SIM2: variants seen among roughly 807,000 people sequenced by gnomAD.
SIM2 encodes single-minded homolog 2.
SIM2 carries 28 observed loss-of-function variants against 64.8 expected under a neutral mutation model. The ratio of observed to expected loss-of-function variants is 0.43; its 90% CI spans 0.32 to 0.59. The LOEUF (loss-of-function observed/expected upper bound fraction) is 0.59. Among genes scored for constraint, SIM2 ranks in the 20% least tolerant of loss-of-function variants. The pLI is 0.07. For synonymous variants in SIM2, 408 were observed against 391.1 expected (o/e 1.04, Z -0.51); for missense variants, 847 against 871.4 (o/e 0.97, Z 0.35).
At chr21:36,736,996 A>C (rs1374878312) in intron 7 of SIM2, among the ~76,000 whole-genome samples, 2 of 151,578 alleles carry the variant, frequency 1.3e-5, no homozygotes, top group Non-Finnish European at 2.9e-5. Flanking sequence ...GCGTGGTCGG[A>C]GCTCACTCTA....
chr21:36,721,774 T>C (rs1410196700), intron 4 of SIM2, among the ~76,000 whole-genome samples: 1 of 152,124 alleles, frequency 6.6e-6, no homozygotes, highest in East Asian at 1.9e-4. Flanking sequence ...GGGACTGGGC[T>C]TTCTCCCCCT....
intron 1 of SIM2, among the ~76,000 whole-genome samples, chr21:36,707,328 G>A (rs1483485651): frequency 6.6e-6 from 1 of 152,230 alleles, no homozygotes; most frequent in Non-Finnish European, 1.5e-5. Context: ...GGCCTGGGAG[G>A]AAGGACCCGC....
At chr21:36,705,084 C>G (rs1417992714) in intron 1 of SIM2, among the ~76,000 whole-genome samples, 1 of 152,206 alleles carries the variant, frequency 6.6e-6, no homozygotes, top group Non-Finnish European at 1.5e-5. Context: ...TACGCCCTGG[C>G]ACAGGTTCCC....
Position 36,726,453 on chromosome 21 carries a change from C to A in SIM2, c.743+135C>A, listed in dbSNP as rs945934318. On this transcript the variant is annotated intron_variant, in intron 6 of 10. Coordinates refer to ENST00000290399, the MANE Select transcript of SIM2 (RefSeq NM_005069.6). This position sits in a 1 kb window ranked among gnomAD's most constrained non-coding sequence, Gnocchi z 4.5. ...TAATAGGAATGTGGATTAAGCAAAA[C>A]CAATTTATGAACTGAAAGAACATAT... The A allele has an allele frequency of 1.7e-5, 12 of 702,890 alleles. No homozygotes were observed. Among genetic ancestry groups the A allele is most frequent in the Non-Finnish European group, 2.6e-5 (11 of 426,732 alleles). The allele number at this position is 702,890 out of a possible 1,614,324, so 43.5% of individuals were successfully genotyped here. A position where few individuals can be genotyped will look rare whatever the true frequency, so the allele number is the denominator to read the frequency against.
intron 3 of SIM2, among the ~76,000 whole-genome samples, chr21:36,714,526 C>T (rs1281782424): frequency 1.3e-5 from 2 of 152,128 alleles, no homozygotes; most frequent in South Asian, 4.1e-4. Flanking sequence ...AGAAAGGGAT[C>T]AAAATGCCTA....
intron 5 of SIM2, among the ~76,000 whole-genome samples, chr21:36,724,687 G>A (rs1370811486): frequency 6.6e-6 from 1 of 152,194 alleles, no homozygotes; most frequent in African/African-American, 2.4e-5. Context: ...TAAAATGGGA[G>A]AATAGACTGG....
chr21:36,719,249 C>A (rs570059891), intron 3 of SIM2, among the ~76,000 whole-genome samples: 1 of 152,400 alleles, frequency 6.6e-6, no homozygotes, highest in Non-Finnish European at 1.5e-5. Context: ...AGAGGCCTGG[C>A]AGCGCCTGAG....
intron 1 of SIM2, among the ~76,000 whole-genome samples, chr21:36,702,707 C>G (rs1232702326): frequency 6.6e-6 from 1 of 152,008 alleles, no homozygotes; most frequent in East Asian, 1.9e-4. Flanking sequence ...GAGGATATGG[C>G]TGCGGGGTTG....
intron 5 of SIM2, among the ~76,000 whole-genome samples, chr21:36,723,347 C>T (rs551408735): frequency 1.4e-4 from 21 of 152,206 alleles, no homozygotes; most frequent in East Asian, 7.7e-4. Context: ...GCATAAGACC[C>T]GGAATCAGTG....
intron 1 of SIM2, among the ~76,000 whole-genome samples, chr21:36,706,918 T>C (rs1234029058): frequency 3.3e-5 from 5 of 152,244 alleles, no homozygotes; most frequent in Non-Finnish European, 5.9e-5. Context: ...ATTTGAATCA[T>C]ACAGAAAATT....
intron 9 of SIM2, 114 bp from the exon 10 acceptor site, chr21:36,744,614 G>C (rs1296197386): frequency 1.5e-6 from 2 of 1,317,910 alleles, no homozygotes; most frequent in Admixed American, 5.5e-5. Flanking sequence ...GGTGGCGAGG[G>C]TAGGGGCAGC....
rs574993361 is a variant in SIM2 at position 36,700,011 on chromosome 21, T to A, written c.175+90T>A. ...CGCAAGCCAGCCCGCCCAGAGGGGT[T>A]GCCGCGGCCTGGCGTCCAGAGCTGG... On this transcript the variant is annotated intron_variant, in intron 1 of 10. Transcript: ENST00000290399. 294 of 1,349,580 alleles carry A rather than the reference T, an allele frequency of 2.2e-4. 3 individuals are homozygous for A. In the South Asian group the frequency reaches 3.6e-3, roughly 16 times the overall value. 83.6% of individuals were successfully genotyped at this position (1,349,580 alleles called of 1,614,324 possible).
At chr21:36,719,962 C>A (rs538259384) in intron 4 of SIM2, 33 bp downstream of exon 4, 3 of 1,385,976 alleles carry the variant, frequency 2.2e-6, no homozygotes, top group Non-Finnish European at 1.0e-6. Context: ...AAAAAACAGA[C>A]TAAAAGCAAG....
chr21:36,729,623 G>T (rs2088938866), intron 6 of SIM2, among the ~76,000 whole-genome samples: 1 of 150,950 alleles, frequency 6.6e-6, no homozygotes, highest in South Asian at 2.1e-4. Context: ...CCCAGCCCCA[G>T]CCCTCCCTCT....
At chr21:36,704,028 C>A (rs1175263592) in intron 1 of SIM2, among the ~76,000 whole-genome samples, 1 of 152,232 alleles carries the variant, frequency 6.6e-6, no homozygotes, top group African/African-American at 2.4e-5. Flanking sequence ...TTTCCCCAAC[C>A]CGAAAGACCC....
chr21:36,715,807 T>C (rs551580714), intron 3 of SIM2, among the ~76,000 whole-genome samples: 2 of 152,366 alleles, frequency 1.3e-5, no homozygotes, highest in African/African-American at 4.8e-5. Flanking sequence ...TGATTCTTTA[T>C]GGGTTATAAG....
At chr21:36,715,341 A>G (rs2835444) in intron 3 of SIM2, among the ~76,000 whole-genome samples, 32,866 of 152,172 alleles carry the variant, frequency 0.22, 4,030 homozygotes, top group Middle Eastern at 0.39. Flanking sequence ...AGGATGTCAA[A>G]TACCCAACTG....
chr21:36,745,821 C>A lies in SIM2; in HGVS notation c.1576+685C>A, dbSNP rs1405707104. On this transcript the variant is annotated intron_variant, in intron 10 of 10. Transcript: ENST00000290399. This position sits in a 1 kb window ranked among gnomAD's most constrained non-coding sequence, Gnocchi z 4.8. The stretch of plus-strand genomic sequence containing the variant: ...CAAGCAGATGTCCTCTGCGGAGATA[C>A]CGCCAGCTCCCCAGGACGCAGACTG... 8 of 1,303,962 alleles carry A rather than the reference C, an allele frequency of 6.1e-6. No homozygotes were observed. Among genetic ancestry groups the A allele is most frequent in the Non-Finnish European group, 8.1e-6 (8 of 988,830 alleles). 80.8% of individuals were successfully genotyped at this position (1,303,962 alleles called of 1,614,324 possible). A position where few individuals can be genotyped will look rare whatever the true frequency, so the allele number is the denominator to read the frequency against.
intron 1 of SIM2, among the ~76,000 whole-genome samples, chr21:36,701,740 A>G (rs1230690267): frequency 1.3e-5 from 2 of 152,312 alleles, no homozygotes; most frequent in East Asian, 3.9e-4. Flanking sequence ...ACTAGGGATG[A>G]TTCCACTCCG....
Sources: gnomAD v4.1 joint callset for allele counts (sites outside exome capture counted in the v4.1 genomes callset) on GRCh38, gnomAD v4.1.1 for gene constraint, Gnocchi (gnomAD v3.1) non-coding constraint, MANE v1.5 for transcripts, NCBI Gene and HGNC (gene_info 2026-07-23, HGNC 2026-07-21) for gene names.